The following REDIC1 variants were observed in gnomAD, a reference collection of about 807,000 sequenced individuals.
The protein encoded by REDIC1 is HEI10 Interacting Protein 1.
the REDIC1 span, chr12:39,647,957 G>A: frequency 6.4e-7 from 1 of 1,559,484 alleles, no homozygotes; most frequent in Non-Finnish European, 8.7e-7. Flanking sequence ...ACTTGCATAT[G>A]AAAAAAAGCA....
At chr12:39,712,673 G>T in the REDIC1 span, among the ~76,000 whole-genome samples, 3 of 137,668 alleles carry the variant, frequency 2.2e-5, no homozygotes, top group Non-Finnish European at 4.7e-5. Context: ...GTATACATGT[G>T]TATATATGTA....
chr12:39,712,934 T>C, the REDIC1 span, among the ~76,000 whole-genome samples: 1 of 147,064 alleles, frequency 6.8e-6, no homozygotes, highest in East Asian at 2.0e-4. Flanking sequence ...CATATACGTG[T>C]ATATACGTGT....
chr12:39,864,622 CT>C, the REDIC1 span: 1 of 1,178,196 alleles, frequency 8.5e-7, no homozygotes. Flanking sequence ...TCTCTACCAC[CT>C]TTCCCATTTT....
chr12:39,671,343 C>A, the REDIC1 span, among the ~76,000 whole-genome samples: 1 of 152,168 alleles, frequency 6.6e-6, no homozygotes, highest in Non-Finnish European at 1.5e-5. Context: ...ACTTAGGCCA[C>A]AAAATTGTTA....
the REDIC1 span, among the ~76,000 whole-genome samples, chr12:39,731,507 G>C: frequency 6.6e-6 from 1 of 152,130 alleles, no homozygotes; most frequent in Non-Finnish European, 1.5e-5. Flanking sequence ...ATTTCTGCCT[G>C]TTCCTTCCTC....
the REDIC1 span, among the ~76,000 whole-genome samples, chr12:39,682,317 TA>T: frequency 6.6e-6 from 1 of 152,096 alleles, no homozygotes; most frequent in Non-Finnish European, 1.5e-5. Flanking sequence ...TAGATTTTAT[TA>T]TAGAAAATAT....
chr12:39,871,674 AT>A, the REDIC1 span: 13 of 1,003,034 alleles, frequency 1.3e-5, no homozygotes, highest in South Asian at 3.0e-5. Flanking sequence ...AAGAACTCTA[AT>A]TTTTTTGTTG....
the REDIC1 span, among the ~76,000 whole-genome samples, chr12:39,790,210 T>G: frequency 1.9e-5 from 1 of 51,516 alleles, no homozygotes; most frequent in Non-Finnish European, 4.2e-5. Context: ...ACAGTGTTTT[T>G]TTTTTCTTCT....
At chr12:39,731,020 T>C in the REDIC1 span, among the ~76,000 whole-genome samples, 1 of 152,230 alleles carries the variant, frequency 6.6e-6, no homozygotes, top group Non-Finnish European at 1.5e-5. Flanking sequence ...TTTATGTTTT[T>C]CTGTAAACTG....
chr12:39,757,481 A>C, the REDIC1 span: 1 of 151,794 alleles, frequency 6.6e-6, no homozygotes, highest in Non-Finnish European at 1.5e-5. Context: ...AATATACTAT[A>C]AATGTTCACC....
chr12:39,793,770 T>A, the REDIC1 span, among the ~76,000 whole-genome samples: 1 of 152,124 alleles, frequency 6.6e-6, no homozygotes, highest in African/African-American at 2.4e-5. Flanking sequence ...TAGGAATCCC[T>A]CCCATGAAAT....
chr12:39,890,371 T>C, the REDIC1 span, among the ~76,000 whole-genome samples: 1 of 152,186 alleles, frequency 6.6e-6, no homozygotes, highest in African/African-American at 2.4e-5. Flanking sequence ...AAGCTATCGG[T>C]GTCCTACTTC....
the REDIC1 span, among the ~76,000 whole-genome samples, chr12:39,717,976 T>A: frequency 6.6e-6 from 1 of 152,082 alleles, no homozygotes; most frequent in Non-Finnish European, 1.5e-5. Context: ...TTCACCTTTT[T>A]TTTTTGCCAT....
chr12:39,890,446 G>A, the REDIC1 span, among the ~76,000 whole-genome samples: 1 of 152,166 alleles, frequency 6.6e-6, no homozygotes, highest in African/African-American at 2.4e-5. Context: ...AGAATTAAAT[G>A]TTGCTCATCA....
the REDIC1 span, among the ~76,000 whole-genome samples, chr12:39,765,280 A>G: frequency 6.6e-6 from 1 of 152,082 alleles, no homozygotes; most frequent in African/African-American, 2.4e-5. Flanking sequence ...TTTAAGGATT[A>G]GAAGAGTAAC....
At chr12:39,669,749 G>C in the REDIC1 span, among the ~76,000 whole-genome samples, 2 of 152,196 alleles carry the variant, frequency 1.3e-5, no homozygotes, top group Non-Finnish European at 2.9e-5. Context: ...AGCCTCCGCC[G>C]TGGTGGGCGC....
At chr12:39,741,818 A>C in the REDIC1 span, among the ~76,000 whole-genome samples, 2 of 152,160 alleles carry the variant, frequency 1.3e-5, no homozygotes, top group East Asian at 3.8e-4. Context: ...CTAAAACTTG[A>C]GGTCAGCGGA....
chr12:39,684,302 T>A, the REDIC1 span: 1 of 930,566 alleles, frequency 1.1e-6, no homozygotes, highest in Non-Finnish European at 1.3e-6. Flanking sequence ...AAAATAGTCC[T>A]AACTTTCTTG....
At chr12:39,827,283 G>C in the REDIC1 span, among the ~76,000 whole-genome samples, 1 of 152,060 alleles carries the variant, frequency 6.6e-6, no homozygotes, top group Admixed American at 6.6e-5. Context: ...AAAGGCTCTT[G>C]GTTTTGCTTT....
Sources: gnomAD v4.1 joint callset for allele counts (sites outside exome capture counted in the v4.1 genomes callset) on GRCh38, gnomAD v4.1.1 for gene constraint, MANE v1.5 for transcripts, NCBI Gene and HGNC (gene_info 2026-07-23, HGNC 2026-07-21) for gene names.